Variants in TOM1 observed in about 807,000 individuals in gnomAD.
TOM1 encodes target of Myb protein 1.
A neutral mutation model predicts 61.3 loss-of-function variants in TOM1; 38 were observed. The ratio of observed to expected loss-of-function variants is 0.62; its 90% CI spans 0.48 to 0.81. The LOEUF (loss-of-function observed/expected upper bound fraction) is 0.81, where lower values mean the gene tolerates loss of function less well. Ranked by LOEUF, TOM1 falls within the 40% of genes least tolerant of loss-of-function variation. The pLI is 0.00. For missense variants in TOM1, 591 were observed against 659.6 expected, an observed-to-expected ratio of 0.90 and a Z score of 1.14; for synonymous variants, 270 against 268.8, an observed-to-expected ratio of 1.00 and a Z score of -0.04.
At chr22:35,313,663 A>G (rs1043443633) in intron 1 of TOM1, among the ~76,000 whole-genome samples, 6 of 152,140 alleles carry the variant, frequency 3.9e-5, no homozygotes, top group African/African-American at 1.4e-4. Context: ...CCTCATCTCC[A>G]TGAGGGGCAG....
chr22:35,332,675 C>A (rs1443993978), intron 8 of TOM1, among the ~76,000 whole-genome samples: 3 of 152,102 alleles, frequency 2.0e-5, no homozygotes, highest in African/African-American at 7.2e-5. Flanking sequence ...GCGTGCCATG[C>A]ATTCCTATTT....
rs759894563 is a variant in TOM1 at position 35,323,890 on chromosome 22, G to A, written c.624G>A (p.Thr208=). The stretch of plus-strand genomic sequence containing the variant: ...CCCCGCCCATACTCTCCGGTGACAC[G>A]CCCATAGCACCAACCCCGGAACAGG... ...LPAPPILSGD[T]PIAPTPEQIG... The change falls in exon 6 of 15, where the codon ACG becomes ACA. Residue 208 remains threonine (T), a synonymous_variant. Transcript: ENST00000449058. This position sits in a 1 kb window ranked among gnomAD's most constrained non-coding sequence, Gnocchi z 4.2. 1.3e-5 allele frequency: 20 copies of A among 1,590,476 alleles called. No homozygotes were observed. The Middle Eastern group carries it at 8.4e-4, about 67-fold the overall frequency.
At chr22:35,326,606 A>C (rs550898559) in intron 6 of TOM1, among the ~76,000 whole-genome samples, 1 of 152,200 alleles carries the variant, frequency 6.6e-6, no homozygotes, top group Admixed American at 6.5e-5. Flanking sequence ...ATCCCAGTCC[A>C]CTAGGAGGAG....
chr22:35,304,718 AC>A (rs1926165730), intron 1 of TOM1, among the ~76,000 whole-genome samples: 2 of 151,942 alleles, frequency 1.3e-5, no homozygotes, highest in Admixed American at 1.3e-4. Context: ...GACCTCATGA[AC>A]CACCCACCTC....
intron 12 of TOM1, among the ~76,000 whole-genome samples, chr22:35,343,816 A>G (rs563182740): frequency 9.8e-5 from 14 of 143,086 alleles, no homozygotes; most frequent in Non-Finnish European, 1.5e-4. Flanking sequence ...ACCTACACCT[A>G]CACATACACA....
chr22:35,343,992 AACCTACACTCATACACCTACACACAC>A (rs1020014404), intron 12 of TOM1, among the ~76,000 whole-genome samples: 5 of 142,666 alleles, frequency 3.5e-5, no homozygotes, highest in African/African-American at 1.1e-4. Context: ...TACACATACA[AACCTACACTCATACACCTACACACAC>A]ACCTACACTC....
chr22:35,326,831 G>T (rs1200077055), intron 6 of TOM1, among the ~76,000 whole-genome samples: 1 of 150,308 alleles, frequency 6.7e-6, no homozygotes, highest in African/African-American at 2.5e-5. Flanking sequence ...GGGGATCCCA[G>T]TCTTCTAGGA....
chr22:35,301,749 C>T (rs1925814806), intron 1 of TOM1, among the ~76,000 whole-genome samples: 1 of 152,110 alleles, frequency 6.6e-6, no homozygotes, highest in African/African-American at 2.4e-5. Flanking sequence ...CCAGGATTTA[C>T]ACACCAGGAA....
intron 13 of TOM1, among the ~76,000 whole-genome samples, chr22:35,346,507 G>C (rs1930511542): frequency 2.0e-5 from 3 of 152,162 alleles, no homozygotes; most frequent in African/African-American, 7.2e-5. Context: ...ATGGCCCTCA[G>C]CCTCTGGATG....
chr22:35,344,056 C>T (rs1238844800), intron 12 of TOM1: 2 of 152,116 alleles, frequency 1.3e-5, no homozygotes, highest in Admixed American at 6.5e-5. Flanking sequence ...CCCTTACACA[C>T]CTACACACAC....
At chr22:35,343,312 AC>A (rs1930114552) in intron 12 of TOM1, among the ~76,000 whole-genome samples, 1 of 144,908 alleles carries the variant, frequency 6.9e-6, no homozygotes, top group South Asian at 2.2e-4. Flanking sequence ...ACACCTACAC[AC>A]CCATACACCT....
chr22:35,343,660 CTACACACACCCT>C (rs1478642012), intron 12 of TOM1, among the ~76,000 whole-genome samples: 1 of 141,978 alleles, frequency 7.0e-6, no homozygotes, highest in Non-Finnish European at 1.5e-5. Flanking sequence ...ACTCATACAC[CTACACACACCCT>C]TACACACACC....
intron 12 of TOM1, among the ~76,000 whole-genome samples, chr22:35,343,869 CCCTACACACTCATACA>C (rs1292631154): frequency 1.8e-4 from 26 of 147,116 alleles, no homozygotes; most frequent in African/African-American, 6.2e-4. Flanking sequence ...CATATACCAC[CCCTACACACTCATACA>C]CCTACACACC....
intron 1 of TOM1, among the ~76,000 whole-genome samples, chr22:35,300,625 G>C (rs1489922393): frequency 2.6e-5 from 4 of 152,208 alleles, no homozygotes. Context: ...CTCCTGGTCA[G>C]CCCATCTCGG....
chr22:35,343,070 C>T (rs1190501096), intron 12 of TOM1, among the ~76,000 whole-genome samples: 2 of 144,240 alleles, frequency 1.4e-5, no homozygotes, highest in African/African-American at 2.6e-5. Flanking sequence ...CACCTACACA[C>T]AGCCCTACAC....
At chr22:35,308,364 A>C (rs1926529086) in intron 1 of TOM1, among the ~76,000 whole-genome samples, 2 of 147,146 alleles carry the variant, frequency 1.4e-5, no homozygotes, top group African/African-American at 2.5e-5. Context: ...GCTCACTGTA[A>C]CCTCCACCTC....
intron 12 of TOM1, among the ~76,000 whole-genome samples, chr22:35,343,725 T>A (rs1457562829): frequency 6.9e-5 from 5 of 72,310 alleles, no homozygotes; most frequent in Non-Finnish European, 1.1e-4. Flanking sequence ...CACACACACA[T>A]CTACACCCAC....
Position 35,323,763 on chromosome 22 carries a change from A to T in TOM1, c.502-5A>T, listed in dbSNP as rs762360815. The T allele has an allele frequency of 6.2e-7, 1 of 1,604,414 alleles. No homozygotes were observed. The highest frequency in any genetic ancestry group is 8.5e-7 in the Non-Finnish European group (1 of 1,173,870). On this transcript the variant is annotated splice_polypyrimidine_tract_variant and splice_region_variant and intron_variant, in intron 5 of 14. Coordinates refer to ENST00000449058, the MANE Select transcript of TOM1 (RefSeq NM_005488.3). The surrounding 1 kb of genome is among the most constrained non-coding windows in gnomAD (Gnocchi z 4.2). ...CCCTCACTGATCCTGTTTTCCTCCC[A>T]CTAGACCGTGTTCAACTCAGAGACA...
intron 10 of TOM1, 37 bp from the exon 11 acceptor site, chr22:35,334,291 T>C (rs768952976): frequency 3.1e-6 from 5 of 1,593,130 alleles, no homozygotes; most frequent in Non-Finnish European, 4.3e-6. Context: ...CACAAGCTTG[T>C]GGATGGGTCT....
Sources: gnomAD v4.1 joint callset for allele counts (sites outside exome capture counted in the v4.1 genomes callset) on GRCh38, gnomAD v4.1.1 for gene constraint, Gnocchi (gnomAD v3.1) non-coding constraint, MANE v1.5 for transcripts, NCBI Gene and HGNC (gene_info 2026-07-23, HGNC 2026-07-21) for gene names.